Variants in NTM observed in about 807,000 individuals in gnomAD.
NTM encodes neurotrimin.
NTM carries 13 observed loss-of-function variants against 42.1 expected under a neutral mutation model. The ratio of observed to expected loss-of-function variants is 0.31; its 90% CI spans 0.20 to 0.49. NTM has a LOEUF of 0.49. NTM is among the 20% of genes least tolerant of loss of function. NTM has a pLI of 0.99. For missense variants in NTM, 373 were observed against 452.8 expected, an observed-to-expected ratio of 0.82 and a Z score of 1.60; for synonymous variants, 187 against 179.2, an observed-to-expected ratio of 1.04 and a Z score of -0.35.
intron 1 of NTM, among the ~76,000 whole-genome samples, chr11:131,548,356 G>A (rs1454346186): frequency 1.3e-5 from 2 of 151,924 alleles, no homozygotes; most frequent in East Asian, 1.9e-4. Context: ...GATGCCTCAA[G>A]GAATGAGTCA....
intron 2 of NTM, among the ~76,000 whole-genome samples, chr11:132,054,078 G>A (rs1414046922): frequency 6.6e-6 from 1 of 152,202 alleles, no homozygotes; most frequent in Non-Finnish European, 1.5e-5. Flanking sequence ...TGCCAGATGT[G>A]GTGACACACG....
chr11:131,660,122 G>C lies in NTM; in HGVS notation c.83-251442G>C, dbSNP rs569679626. ...TGTTGCATGAAGACAGGGAGCCTCT[G>C]CGGCCAGGAGCCGGGCAAGGCGGGG... On this transcript the variant is annotated intron_variant, in intron 1 of 8. Transcript: ENST00000683400. 25 of 184,616 alleles carry C rather than the reference G, an allele frequency of 1.4e-4. No individual in the cohort carries two copies. In the East Asian group the frequency reaches 3.1e-3, roughly 23 times the overall value. The allele number at this position is 184,616 out of a possible 1,614,324, so 11.4% of individuals were successfully genotyped here.
chr11:131,524,140 A>G (rs2050140011), intron 1 of NTM, among the ~76,000 whole-genome samples: 2 of 152,224 alleles, frequency 1.3e-5, no homozygotes, highest in Admixed American at 1.3e-4. Context: ...TAGGCCTAGC[A>G]ATGACATTTG....
intron 2 of NTM, among the ~76,000 whole-genome samples, chr11:132,071,206 C>T (rs1292607757): frequency 1.4e-4 from 19 of 140,146 alleles, no homozygotes; most frequent in Non-Finnish European, 2.2e-4. Context: ...CAAGTTAACA[C>T]GTCACACTGA....
chr11:132,089,364 C>T (rs2060123433), intron 2 of NTM, among the ~76,000 whole-genome samples: 1 of 152,184 alleles, frequency 6.6e-6, no homozygotes, highest in South Asian at 2.1e-4. Context: ...ATCTTGCTCC[C>T]ACTTGTTCAA....
chr11:132,243,806 G>A (rs116441515), intron 4 of NTM, among the ~76,000 whole-genome samples: 1,659 of 152,260 alleles, frequency 0.011, 25 homozygotes, highest in African/African-American at 0.036. Context: ...CTCTTGCCCA[G>A]TAGTCCACAA....
At chr11:131,904,521 C>T (rs1459646980) in intron 1 of NTM, among the ~76,000 whole-genome samples, 1 of 152,148 alleles carries the variant, frequency 6.6e-6, no homozygotes, top group Admixed American at 6.5e-5. Context: ...AGAGATGAGG[C>T]AGGCCCAAGA....
chr11:131,586,951 A>G (rs1171473807), intron 1 of NTM, among the ~76,000 whole-genome samples: 1 of 152,170 alleles, frequency 6.6e-6, no homozygotes, highest in Non-Finnish European at 1.5e-5. Context: ...ACTATATCAA[A>G]TTAATTTTAG....
intron 4 of NTM, among the ~76,000 whole-genome samples, chr11:132,221,309 C>A (rs2085117821): frequency 6.6e-6 from 1 of 152,164 alleles, no homozygotes; most frequent in Non-Finnish European, 1.5e-5. Flanking sequence ...ATAGTAATAT[C>A]TATTCTTCAC....
chr11:131,794,623 T>TTGAATGAATGAA (rs112964113), intron 1 of NTM: 4 of 940,724 alleles, frequency 4.3e-6, no homozygotes, highest in South Asian at 4.8e-5. Context: ...TGGATGAGTG[T>TTGAATGAATGAA]TGAATGAATG....
At chr11:131,852,207 C>G (rs1231788559) in intron 1 of NTM, among the ~76,000 whole-genome samples, 1 of 152,122 alleles carries the variant, frequency 6.6e-6, no homozygotes, top group African/African-American at 2.4e-5. Context: ...AAGCCTCCAG[C>G]CTTGGGAACT....
chr11:131,447,130 G>C (rs1457532245), intron 1 of NTM, among the ~76,000 whole-genome samples: 3 of 152,196 alleles, frequency 2.0e-5, no homozygotes, highest in African/African-American at 7.2e-5. Flanking sequence ...TATCTGCAGG[G>C]AGATGAATAT....
chr11:131,935,092 T>C (rs530386179), intron 2 of NTM, among the ~76,000 whole-genome samples: 51 of 152,256 alleles, frequency 3.3e-4, no homozygotes, highest in African/African-American at 1.2e-3. Flanking sequence ...TAGTCACAGA[T>C]AGGTTTGCTG....
At chr11:131,811,876 G>T (rs936270377) in intron 1 of NTM, among the ~76,000 whole-genome samples, 1 of 152,178 alleles carries the variant, frequency 6.6e-6, no homozygotes, top group Non-Finnish European at 1.5e-5. Flanking sequence ...AGATAAAATT[G>T]TTTTTCACCT....
At chr11:131,877,702 T>C (rs1267991075) in intron 1 of NTM, 2 of 152,286 alleles carry the variant, frequency 1.3e-5, no homozygotes, top group Non-Finnish European at 2.9e-5. Context: ...ATTACTCATC[T>C]TGATGACAAT....
chr11:131,389,164 T>C (rs377694701), intron 1 of NTM, among the ~76,000 whole-genome samples: 1 of 152,216 alleles, frequency 6.6e-6, no homozygotes, highest in Non-Finnish European at 1.5e-5. Context: ...CTGAGTGAGA[T>C]GAGCAGCAAC....
chr11:131,673,589 C>T (rs1433601811), intron 1 of NTM, among the ~76,000 whole-genome samples: 3 of 152,208 alleles, frequency 2.0e-5, no homozygotes, highest in South Asian at 2.1e-4. Context: ...ATACAGTTAG[C>T]GGGTGATGCT....
intron 1 of NTM, among the ~76,000 whole-genome samples, chr11:131,716,837 T>TTTG (rs769057595): frequency 1.9e-4 from 29 of 152,232 alleles, no homozygotes; most frequent in South Asian, 4.1e-4. Flanking sequence ...ACTAAAGCTT[T>TTTG]TTGTTGTTGT....
chr11:131,974,050 T>C (rs2063950255), intron 2 of NTM, among the ~76,000 whole-genome samples: 1 of 144,246 alleles, frequency 6.9e-6, no homozygotes, highest in Admixed American at 7.0e-5. Context: ...TTCTTTCTTG[T>C]TATTTTCTTA....
Sources: allele counts gnomAD v4.1 joint callset (sites outside exome capture counted in the v4.1 genomes callset), GRCh38; gene constraint gnomAD v4.1.1; transcripts MANE v1.5; gene names NCBI Gene and HGNC (gene_info 2026-07-23, HGNC 2026-07-21).